The following DNAH3 variants were observed in gnomAD, a reference collection of about 807,000 sequenced individuals.
DNAH3 encodes axonemal beta dynein heavy chain 3.
A neutral mutation model predicts 432.5 loss-of-function variants in DNAH3; 332 were observed. The observed-to-expected ratio is 0.77, with a 90% CI of 0.70 to 0.84. The LOEUF is 0.84. Among genes scored for constraint, DNAH3 ranks in the 40% least tolerant of loss-of-function variants. DNAH3 has a pLI of 0.00. For synonymous variants in DNAH3, 1,956 were observed against 1,900.2 expected, an observed-to-expected ratio of 1.03 and a Z score of -0.76; for missense variants, 4,861 against 5,114.0, an observed-to-expected ratio of 0.95 and a Z score of 1.51.
chr16:21,117,361 T>C (rs566951756), intron 11 of DNAH3, 22 bp from the exon 12 acceptor site: 2 of 1,356,548 alleles, frequency 1.5e-6, no homozygotes, highest in Admixed American at 1.8e-5. Context: ...ACACCACTTT[T>C]GCATGTTGCA....
chr16:21,056,432 CCCTCCCTG>C (rs2090138835), intron 27 of DNAH3, among the ~76,000 whole-genome samples: 1 of 139,932 alleles, frequency 7.1e-6, no homozygotes, highest in African/African-American at 2.6e-5. Flanking sequence ...AACCCTCCCT[CCCTCCCTG>C]CCTCCCTCCC....
In DNAH3 at chr16:21,136,658, C is replaced by T. The variant is rs949134799; in HGVS notation, c.697-145G>A. The T allele has an allele frequency of 7.8e-5, 57 of 732,974 alleles. 1 individual carries two copies. In the African/African-American group the frequency reaches 8.1e-4, roughly 10 times the overall value. 45.4% of individuals were successfully genotyped at this position (732,974 alleles called of 1,614,324 possible). A position where few individuals can be genotyped will look rare whatever the true frequency, so the allele number is the denominator to read the frequency against. ...CCATAACCATGCATTCTGGGCCTGT[C>T]GCTTCACACTCATGGCAAGAAGATC... is the stretch of plus-strand genomic sequence containing the variant. On this transcript the variant is annotated intron_variant, in intron 5 of 61. Transcript: ENST00000261383.
intron 43 of DNAH3, among the ~76,000 whole-genome samples, chr16:20,999,975 G>GAAGGAGAA (rs1270912259): frequency 2.1e-5 from 3 of 141,102 alleles, no homozygotes; most frequent in Non-Finnish European, 4.7e-5. Flanking sequence ...AAGAAGGAAG[G>GAAGGAGAA]AAGGAGAAAA....
At chr16:20,980,310 ATATAT>A (rs201386860) in intron 49 of DNAH3, among the ~76,000 whole-genome samples, 3,800 of 142,822 alleles carry the variant, frequency 0.027, 86 homozygotes, top group Middle Eastern at 0.076. Flanking sequence ...ATATTATATT[ATATAT>A]TATAATATAT....
At chr16:21,135,678 G>A (rs12932009) in intron 6 of DNAH3, among the ~76,000 whole-genome samples, 2 of 151,830 alleles carry the variant, frequency 1.3e-5, no homozygotes, top group Non-Finnish European at 2.9e-5. Context: ...AGTGAGCAGA[G>A]ATCACACCAC....
intron 40 of DNAH3, among the ~76,000 whole-genome samples, chr16:21,020,699 C>A (rs1236634080): frequency 2.0e-5 from 3 of 151,762 alleles, no homozygotes; most frequent in Non-Finnish European, 4.4e-5. Context: ...AGACCGCACC[C>A]GGCCTTTACT....
chr16:21,052,378 C>A (rs1452999314), intron 28 of DNAH3, among the ~76,000 whole-genome samples: 1 of 152,214 alleles, frequency 6.6e-6, no homozygotes, highest in African/African-American at 2.4e-5. Context: ...TTGCTTTCTC[C>A]CAAAGCCAGG....
intron 20 of DNAH3, among the ~76,000 whole-genome samples, chr16:21,080,039 G>C (rs1484831973): frequency 1.3e-5 from 2 of 152,220 alleles, no homozygotes; most frequent in African/African-American, 2.4e-5. Context: ...TTTCTCGCCT[G>C]TAATCCCAGC....
At chr16:21,047,574 C>A (rs1270357594) in intron 31 of DNAH3, among the ~76,000 whole-genome samples, 1 of 149,792 alleles carries the variant, frequency 6.7e-6, no homozygotes, top group Non-Finnish European at 1.5e-5. Context: ...GTTATACATT[C>A]TTCTAAATTT....
chr16:21,089,855 A>C (rs2091479818), intron 18 of DNAH3, among the ~76,000 whole-genome samples: 1 of 152,120 alleles, frequency 6.6e-6, no homozygotes, highest in Non-Finnish European at 1.5e-5. Flanking sequence ...ATAATAAGAA[A>C]GATTATTGAA....
intron 52 of DNAH3, among the ~76,000 whole-genome samples, chr16:20,966,462 C>T (rs2085068446): frequency 6.6e-6 from 1 of 152,098 alleles, no homozygotes; most frequent in Admixed American, 6.6e-5. Context: ...ACAAGAGAGG[C>T]CCCCCTCCCC....
chr16:21,022,045 T>C, exon 40 of DNAH3: 1 of 1,614,030 alleles, frequency 6.2e-7, no homozygotes, highest in Non-Finnish European at 8.5e-7. Context: ...AAATTTACAA[T>C]GAAGGCGACC....
exon 40 of DNAH3, chr16:21,022,021 G>C (rs756763366): frequency 6.2e-7 from 1 of 1,613,918 alleles, no homozygotes; most frequent in Admixed American, 1.7e-5. Context: ...GTGGATGGGA[G>C]ATGTCTGGAC....
intron 1 of DNAH3, among the ~76,000 whole-genome samples, chr16:21,155,203 G>A (rs1332684663): frequency 3.3e-5 from 5 of 151,798 alleles, no homozygotes; most frequent in African/African-American, 7.2e-5. Flanking sequence ...GCCCACCTCC[G>A]CCTCCCAAAG....
chr16:21,037,808 C>T, exon 34 of DNAH3: 4 of 1,614,202 alleles, frequency 2.5e-6, no homozygotes, highest in Non-Finnish European at 3.4e-6. Flanking sequence ...AGATTGACAT[C>T]AAGCAATGCC....
At chr16:21,060,533 T>C (rs2090316515) in intron 25 of DNAH3, among the ~76,000 whole-genome samples, 177 bp from the exon 26 acceptor site, 2 of 138,590 alleles carry the variant, frequency 1.4e-5, no homozygotes, top group African/African-American at 5.9e-5. Context: ...TTTCTTTTTT[T>C]TTTTTTTTTT....
intron 21 of DNAH3, among the ~76,000 whole-genome samples, chr16:21,071,111 C>T (rs573027488): frequency 1.1e-4 from 17 of 151,742 alleles, no homozygotes; most frequent in African/African-American, 3.6e-4. Context: ...AGCAGAATCT[C>T]GGCTCACTGC....
intron 11 of DNAH3, among the ~76,000 whole-genome samples, chr16:21,118,642 A>C (rs372299939): frequency 3.3e-5 from 5 of 152,178 alleles, no homozygotes; most frequent in African/African-American, 4.8e-5. Context: ...GGCTCTCTCT[A>C]TGTTGCCCAG....
At chr16:21,111,579 G>A (rs766604696) in intron 14 of DNAH3, 47 bp downstream of exon 14, 1 of 1,568,960 alleles carries the variant, frequency 6.4e-7, no homozygotes, top group Non-Finnish European at 8.7e-7. Flanking sequence ...TTCGTCTCCA[G>A]TTGGTGCCAA....
Sources: allele counts gnomAD v4.1 joint callset (sites outside exome capture counted in the v4.1 genomes callset), GRCh38; gene constraint gnomAD v4.1.1; transcripts MANE v1.5; gene names NCBI Gene and HGNC (gene_info 2026-07-23, HGNC 2026-07-21).